Variants in GRIP1 observed in about 807,000 individuals in gnomAD.
The protein encoded by GRIP1 is glutamate receptor-interacting protein 1.
A neutral mutation model predicts 129.9 loss-of-function variants in GRIP1; 45 were observed. That is an observed-to-expected ratio of 0.35 (90% CI 0.27 to 0.44). The LOEUF (loss-of-function observed/expected upper bound fraction) is 0.44, where lower values mean the gene tolerates loss of function less well. GRIP1 is among the 20% of genes least tolerant of loss of function. The pLI, the probability that GRIP1 is intolerant of heterozygous loss-of-function variation, is 1.00. For synonymous variants in GRIP1, 530 were observed against 520.8 expected (o/e 1.02, Z -0.24); for missense variants, 1,196 against 1,396.8 (o/e 0.86, Z 2.29).
At chr12:66,998,915 G>A (rs2042509569) in intron 1 of GRIP1, among the ~76,000 whole-genome samples, 1 of 152,072 alleles carries the variant, frequency 6.6e-6, no homozygotes, top group Non-Finnish European at 1.5e-5. Context: ...ACGAGCATTT[G>A]AGCCTAAGTG....
chr12:66,783,571 A>T (rs989914417), intron 1 of GRIP1, among the ~76,000 whole-genome samples: 1 of 152,182 alleles, frequency 6.6e-6, no homozygotes, highest in East Asian at 1.9e-4. Flanking sequence ...ACATGCTTTA[A>T]TGATACATCT....
intron 1 of GRIP1, among the ~76,000 whole-genome samples, chr12:66,597,478 C>T (rs2064098928): frequency 6.6e-6 from 1 of 152,024 alleles, no homozygotes; most frequent in Non-Finnish European, 1.5e-5. Flanking sequence ...CAGTGCAAAG[C>T]AGAGGGATAG....
intron 1 of GRIP1, among the ~76,000 whole-genome samples, chr12:66,762,581 A>G (rs959376809): frequency 6.6e-6 from 1 of 152,220 alleles, no homozygotes; most frequent in South Asian, 2.1e-4. Context: ...GTGGCTAAAC[A>G]TCTGCTTAAA....
At chr12:66,883,373 A>C (rs1042687021) in intron 1 of GRIP1, among the ~76,000 whole-genome samples, 22 of 152,308 alleles carry the variant, frequency 1.4e-4, no homozygotes, top group African/African-American at 4.1e-4. Context: ...AGTACCCATC[A>C]AAATACCCAA....
At chr12:66,920,524 A>G (rs2041195090) in intron 1 of GRIP1, among the ~76,000 whole-genome samples, 1 of 152,222 alleles carries the variant, frequency 6.6e-6, no homozygotes, top group African/African-American at 2.4e-5. Context: ...AGCACTGTCC[A>G]GTGACTGGAG....
intron 1 of GRIP1, among the ~76,000 whole-genome samples, chr12:66,958,820 T>C (rs1009402039): frequency 6.6e-6 from 1 of 152,146 alleles, no homozygotes; most frequent in Non-Finnish European, 1.5e-5. Context: ...TTAGGATAAA[T>C]TGCTAGAATG....
intron 7 of GRIP1, among the ~76,000 whole-genome samples, chr12:66,484,857 A>G (rs186222087): frequency 6.6e-6 from 1 of 152,300 alleles, no homozygotes; most frequent in Non-Finnish European, 1.5e-5. Context: ...AGAAATTATA[A>G]ATGTTTGAGG....
intron 1 of GRIP1, among the ~76,000 whole-genome samples, chr12:67,006,541 C>A (rs925733450): frequency 6.6e-6 from 1 of 152,150 alleles, no homozygotes; most frequent in Non-Finnish European, 1.5e-5. Context: ...GAGCTGTGAT[C>A]ATGCCACTGC....
intron 1 of GRIP1, among the ~76,000 whole-genome samples, chr12:66,837,368 G>A (rs900740607): frequency 1.3e-5 from 2 of 152,170 alleles, no homozygotes; most frequent in Non-Finnish European, 2.9e-5. Flanking sequence ...CTATTTGGGT[G>A]AGTCAAGAAG....
chr12:66,379,149 G>T, intron 20 of GRIP1, 131 bp downstream of exon 20: 1 of 1,037,856 alleles, frequency 9.6e-7, no homozygotes, highest in Non-Finnish European at 1.5e-6. Context: ...CATGTGGCCA[G>T]CATGGATGAT....
intron 19 of GRIP1, among the ~76,000 whole-genome samples, chr12:66,390,845 T>TAG (rs2056557140): frequency 6.6e-6 from 1 of 152,234 alleles, no homozygotes; most frequent in Admixed American, 6.5e-5. Context: ...TCAGAAGGTC[T>TAG]GTTATTTGGT....
In GRIP1 at chr12:66,413,006, A is replaced by T. The variant is rs142919047; in HGVS notation, c.1839-6578T>A. On this transcript the variant is annotated intron_variant, in intron 15 of 24. Transcript: ENST00000359742. ...GAAACTTATACTCCCACACAGTGAC[A>T]GTGGGATATTGTAACACCCCGCTGA... Among the ~76,000 whole-genome samples the T allele has an allele frequency of 7.9e-5, 12 of 152,320 alleles. No homozygotes were observed. In the East Asian group the frequency reaches 2.3e-3, roughly 29 times the overall value.
At chr12:66,539,992 C>G (rs906257103) in intron 3 of GRIP1, among the ~76,000 whole-genome samples, 1 of 152,172 alleles carries the variant, frequency 6.6e-6, no homozygotes, top group Non-Finnish European at 1.5e-5. Flanking sequence ...ACAGAAATAG[C>G]TAATGCATTT....
intron 1 of GRIP1, among the ~76,000 whole-genome samples, chr12:66,785,335 C>CATATATATATATATAT (rs1448856691): frequency 0.01 from 278 of 27,546 alleles, no homozygotes; most frequent in Non-Finnish European, 0.015. Flanking sequence ...TACATACATA[C>CATATATATATATATAT]ATACATACAT....
chr12:66,516,140 G>A (rs1181260700), intron 6 of GRIP1, among the ~76,000 whole-genome samples: 1 of 152,114 alleles, frequency 6.6e-6, no homozygotes, highest in Non-Finnish European at 1.5e-5. Context: ...CAGGTAAGCA[G>A]AAAAGCCTGC....
chr12:66,804,156 C>T lies in GRIP1; in HGVS notation c.-523G>A, dbSNP rs755181713. 2.0e-5 allele frequency: 9 copies of T among 455,832 alleles called. 1 individual carries two copies. Among genetic ancestry groups the T allele is most frequent in the South Asian group, 1.1e-4 (7 of 64,530 alleles). 28.2% of individuals were successfully genotyped at this position (455,832 alleles called of 1,614,324 possible). A position where few individuals can be genotyped will look rare whatever the true frequency, so the allele number is the denominator to read the frequency against. ...CCTTTCTTCTCCTAGATCTTCTTAT[C>T]GCCTTGACAAAACCCAGGAAGCGGT... On this transcript the variant is annotated 5_prime_UTR_variant, in exon 1 of 5. Coordinates refer to the GRIP1 transcript ENST00000538373.
intron 2 of GRIP1, among the ~76,000 whole-genome samples, chr12:66,588,103 A>C (rs936261035): frequency 6.6e-6 from 1 of 151,918 alleles, no homozygotes; most frequent in Admixed American, 6.6e-5. Context: ...GTTATTTTAC[A>C]GCTTTGCATT....
At chr12:66,746,805 G>T (rs1402882570) in intron 1 of GRIP1, among the ~76,000 whole-genome samples, 1 of 152,208 alleles carries the variant, frequency 6.6e-6, no homozygotes. Flanking sequence ...ACATTTTAAG[G>T]GAATTTGCTA....
chr12:66,683,429 A>G (rs1306153384), upstream of GRIP1, among the ~76,000 whole-genome samples: 1 of 152,202 alleles, frequency 6.6e-6, no homozygotes, highest in Non-Finnish European at 1.5e-5. Context: ...CAATTTGCTG[A>G]CACAGGTTCT....
Sources: gnomAD v4.1 joint callset for allele counts (sites outside exome capture counted in the v4.1 genomes callset) on GRCh38, gnomAD v4.1.1 for gene constraint, MANE v1.5 for transcripts, NCBI Gene and HGNC (gene_info 2026-07-23, HGNC 2026-07-21) for gene names.